Variants in PHYHD1 observed in about 807,000 individuals in gnomAD.
The protein encoded by PHYHD1 is phytanoyl-CoA dioxygenase domain containing 1.
A neutral mutation model predicts 43.6 loss-of-function variants in PHYHD1; 42 were observed. That is an observed-to-expected ratio of 0.96 (90% CI 0.75 to 1.25). PHYHD1 has a LOEUF of 1.25. Among genes scored for constraint, PHYHD1 ranks in the 50% most tolerant of loss-of-function variants. PHYHD1 has a pLI of 0.00. For synonymous variants in PHYHD1, 139 were observed against 143.6 expected (o/e 0.97, Z 0.23); for missense variants, 342 against 370.8 (o/e 0.92, Z 0.64).
chr9:128,928,015 G>T (rs897230445), intron 4 of PHYHD1, among the ~76,000 whole-genome samples: 3 of 152,218 alleles, frequency 2.0e-5, no homozygotes, highest in African/African-American at 4.8e-5. Context: ...CTCCCACACC[G>T]TTCTCTTGAC....
chr9:128,924,821 A>C (rs1449260909), intron 3 of PHYHD1, among the ~76,000 whole-genome samples: 1 of 149,046 alleles, frequency 6.7e-6, no homozygotes, highest in Non-Finnish European at 1.5e-5. Flanking sequence ...TGTAATTCCA[A>C]CTACTCGGGA....
rs1236650293 is a variant in PHYHD1, at chr9:128,934,663, G to C, written c.316+605G>C. On this transcript the variant is annotated intron_variant, in intron 6 of 12. Transcript: ENST00000372592. ...CATGCCTGTAATCCCAGCTACTTGG[G>C]AGGCTGAAGCGGGAGAATAGCTTGA... Among the ~76,000 whole-genome samples, 7 of 151,836 alleles carry C rather than the reference G, an allele frequency of 4.6e-5. No individual in the cohort carries two copies. In the East Asian group the frequency reaches 1.2e-3, roughly 25 times the overall value.
At position 128,941,689 on chromosome 9, in the gene PHYHD1, G is replaced by T; in HGVS notation, c.852G>T (p.Leu284=). 2 of 1,614,166 alleles carry T rather than the reference G, an allele frequency of 1.2e-6. No individual in the cohort carries two copies. Among genetic ancestry groups the T allele is most frequent in the Non-Finnish European group, 1.7e-6 (2 of 1,180,030 alleles). Residue 284 remains leucine (L), a synonymous_variant, in exon 13 of 13, where the codon CTG becomes CTT. Coordinates refer to ENST00000372592, the MANE Select transcript of PHYHD1 (RefSeq NM_001100876.2). The part of the protein sequence containing the change: ...PENWLQPTAE[L]PFPQLYT ...GCAGGCTCCAGCCAACAGCTGAACT[G>T]CCCTTTCCCCAACTGTACACCTAAA...
At position 128,941,901 on chromosome 9, in the gene PHYHD1, C is replaced by T. The variant is rs1841574215; in HGVS notation, c.*188C>T. 4.3e-6 allele frequency: 3 copies of T among 700,098 alleles called. No individual in the cohort carries two copies. The highest frequency in any genetic ancestry group is 7.1e-6 in the Non-Finnish European group (3 of 424,004). The allele number at this position is 700,098 out of a possible 1,614,324, so 43.4% of individuals were successfully genotyped here. ...CCCTAAGATCTTCACCTCTCTGCCT[C>T]CCTACTGCCCCAACATAGCCTTGAG... is the stretch of plus-strand genomic sequence containing the variant. On this transcript the variant is annotated 3_prime_UTR_variant, in exon 13 of 13. Transcript: ENST00000372592.
chr9:128,933,710 G>A (rs1245677444), intron 4 of PHYHD1, 72 bp from the exon 5 acceptor site: 20 of 1,503,196 alleles, frequency 1.3e-5, no homozygotes, highest in Admixed American at 1.7e-5. Flanking sequence ...TTCTGAATCC[G>A]CCTCCCTCTT....
rs182711862 is a variant in PHYHD1, at chr9:128,933,408, G to T, written c.193-374G>T. On this transcript the variant is annotated intron_variant, in intron 4 of 12. Coordinates refer to ENST00000372592, the MANE Select transcript of PHYHD1 (RefSeq NM_001100876.2). The stretch of plus-strand genomic sequence containing the variant: ...TCAAGTGATCTGCCTCAATATGCTG[G>T]GATTACAGGTGTGAGTCGTTACTCC... Among the ~76,000 whole-genome samples the T allele has an allele frequency of 1.1e-4, 17 of 151,926 alleles. No individual in the cohort carries two copies. The Admixed American group carries it at 1.1e-3, about 10-fold the overall frequency.
chr9:128,938,873 G>T (rs1282228071), intron 9 of PHYHD1, among the ~76,000 whole-genome samples: 2 of 130,868 alleles, frequency 1.5e-5, no homozygotes, highest in African/African-American at 5.0e-5. Flanking sequence ...TGGTGACAGG[G>T]AGCTCATCCC....
intron 6 of PHYHD1, among the ~76,000 whole-genome samples, chr9:128,936,193 C>T (rs543510954): frequency 1.3e-5 from 2 of 151,730 alleles, no homozygotes; most frequent in African/African-American, 4.8e-5. Context: ...AGCCCTTAGT[C>T]GTCTGTGAGG....
intron 3 of PHYHD1, among the ~76,000 whole-genome samples, chr9:128,926,207 G>C (rs1396741716): frequency 6.6e-6 from 1 of 152,142 alleles, no homozygotes; most frequent in African/African-American, 2.4e-5. Context: ...GGAAGGGCAG[G>C]GACAACTTTC....
At position 128,940,590 on chromosome 9, in the gene PHYHD1, G is replaced by C; in HGVS notation, c.587-9G>C. On this transcript the variant is annotated splice_polypyrimidine_tract_variant and intron_variant, in intron 10 of 12. Coordinates refer to ENST00000372592, the MANE Select transcript of PHYHD1 (RefSeq NM_001100876.2). ...GGAGGAGTTTAAGGCTCTCCATCTT[G>C]GCCTGCAGGTGGTGTGTCAAGAAGG... The C allele has an allele frequency of 6.2e-7, 1 of 1,614,090 alleles. No homozygotes were observed. Among genetic ancestry groups the C allele is most frequent in the Non-Finnish European group, 8.5e-7 (1 of 1,179,978 alleles).
Position 128,941,765 on chromosome 9 carries a change from G to A in PHYHD1, c.*52G>A. ...CCCCTCCCGGGTGAAGCTGTGGGCT[G>A]TAAACACCAGTGCCTTGCTCAGCCT... On this transcript the variant is annotated 3_prime_UTR_variant, in exon 13 of 13. Transcript: ENST00000372592. The A allele has an allele frequency of 1.9e-6, 3 of 1,611,904 alleles. No individual in the cohort carries two copies. Among genetic ancestry groups the A allele is most frequent in the Admixed American group, 1.7e-5 (1 of 60,006 alleles).
intron 4 of PHYHD1, among the ~76,000 whole-genome samples, chr9:128,931,142 G>C (rs867278298): frequency 2.6e-5 from 4 of 151,688 alleles, no homozygotes; most frequent in African/African-American, 9.7e-5. Context: ...ATATATTTTC[G>C]CTCCTGTCAT....
intron 4 of PHYHD1, among the ~76,000 whole-genome samples, chr9:128,932,811 T>C (rs1029629961): frequency 5.6e-5 from 8 of 143,426 alleles, no homozygotes; most frequent in Non-Finnish European, 1.2e-4. Context: ...GTCAGTTCTA[T>C]TATTATTCCT....
At chr9:128,925,526 G>A (rs137935394) in intron 3 of PHYHD1, among the ~76,000 whole-genome samples, 21 of 152,006 alleles carry the variant, frequency 1.4e-4, no homozygotes, top group African/African-American at 4.8e-4. Flanking sequence ...ATGCCCAGCA[G>A]TAGGTGACTT....
At chr9:128,934,170 T>C in intron 6 of PHYHD1, 112 bp downstream of exon 6, 2 of 1,183,060 alleles carry the variant, frequency 1.7e-6, no homozygotes, top group Admixed American at 2.2e-5. Context: ...GGCAGATCAC[T>C]TGAAGTCAGG....
chr9:128,934,050 T>C lies in PHYHD1; in HGVS notation c.308T>C (p.Ile103Thr), dbSNP rs1312090003. 6 of 1,613,632 alleles carry C rather than the reference T, an allele frequency of 3.7e-6. No individual in the cohort carries two copies. The highest frequency in any genetic ancestry group is 3.3e-5 in the Admixed American group (2 of 59,954). Reference sequence around the variant, plus strand: ...CCTCCGGAGAAATCCATCAACAAAATTGGCCACGGTGAGCAGGGGCTTGGG... The same window carrying C: ...CCTCCGGAGAAATCCATCAACAAAACTGGCCACGGTGAGCAGGGGCTTGGG... ...LVPPEKSINK[I>T]GHALHAHDPV... Residue 103 changes from isoleucine (I) to threonine (T), a missense_variant, in exon 6 of 13, where the codon ATT becomes ACT. Transcript: ENST00000372592.
chr9:128,929,453 G>A (rs771576816), intron 4 of PHYHD1, among the ~76,000 whole-genome samples: 3 of 151,618 alleles, frequency 2.0e-5, no homozygotes, highest in East Asian at 1.9e-4. Flanking sequence ...CAGGCAGATC[G>A]CTGGAGGTCA....
At chr9:128,934,708 C>T (rs1841382785) in intron 6 of PHYHD1, among the ~76,000 whole-genome samples, 1 of 150,178 alleles carries the variant, frequency 6.7e-6, no homozygotes, top group South Asian at 2.1e-4. Flanking sequence ...GCTGAGGCTG[C>T]AGTGAGCCGA....
At chr9:128,940,136 C>T (rs1421557108) in intron 9 of PHYHD1, among the ~76,000 whole-genome samples, 1 of 152,186 alleles carries the variant, frequency 6.6e-6, no homozygotes, top group Non-Finnish European at 1.5e-5. Context: ...AATCCTCCAG[C>T]ACCCTGTGAG....
Sources: gnomAD v4.1 joint callset for allele counts (sites outside exome capture counted in the v4.1 genomes callset) on GRCh38, gnomAD v4.1.1 for gene constraint, MANE v1.5 for transcripts, NCBI Gene and HGNC (gene_info 2026-07-23, HGNC 2026-07-21) for gene names.